TPH2: variants seen among roughly 807,000 people sequenced by gnomAD.
The protein encoded by TPH2 is tryptophan 5-hydroxylase 2.
TPH2 carries 27 observed loss-of-function variants against 59.1 expected under a neutral mutation model. The ratio of observed to expected loss-of-function variants is 0.46; its 90% CI spans 0.34 to 0.63. TPH2 has a LOEUF of 0.63. Ranked by LOEUF, TPH2 falls within the 30% of genes least tolerant of loss-of-function variation. The pLI is 0.01. For synonymous variants in TPH2, 220 were observed against 210.5 expected (o/e 1.05, Z -0.39); for missense variants, 523 against 588.3 (o/e 0.89, Z 1.15).
intron 7 of TPH2, among the ~76,000 whole-genome samples, chr12:71,988,549 G>A (rs1023989): frequency 0.19 from 29,302 of 152,046 alleles, 3,276 homozygotes; most frequent in East Asian, 0.34. Context: ...CCAGATCTCG[G>A]GAGAACTCAC....
chr12:72,018,408 C>T (rs1294414913), intron 8 of TPH2, among the ~76,000 whole-genome samples: 1 of 152,162 alleles, frequency 6.6e-6, no homozygotes. Context: ...CCTTTTAATT[C>T]CTACCTTAAA....
intron 5 of TPH2, among the ~76,000 whole-genome samples, chr12:71,969,579 T>A (rs1420027194): frequency 6.6e-6 from 1 of 152,198 alleles, no homozygotes; most frequent in Non-Finnish European, 1.5e-5. Flanking sequence ...GAAGGTTAAA[T>A]GAGTGAATAA....
chr12:71,958,610 T>C (rs1871581103), intron 5 of TPH2, among the ~76,000 whole-genome samples: 1 of 152,142 alleles, frequency 6.6e-6, no homozygotes. Flanking sequence ...GGCAGAACCA[T>C]GTCTCCATTC....
intron 8 of TPH2, among the ~76,000 whole-genome samples, chr12:72,021,219 TC>T (rs1447179698): frequency 2.6e-5 from 4 of 151,714 alleles, no homozygotes; most frequent in Non-Finnish European, 2.9e-5. Context: ...TTTTTGTTTT[TC>T]TTTTTTTTTC....
Position 72,022,495 on chromosome 12 carries a change from G to A in TPH2, c.1164+1G>A, listed in dbSNP as rs756893935. The A allele has an allele frequency of 6.2e-7, 1 of 1,606,406 alleles. No homozygotes were observed. The highest frequency in any genetic ancestry group is 8.5e-7 in the Non-Finnish European group (1 of 1,172,946). On this transcript the variant is annotated splice_donor_variant, in intron 9 of 10. Coordinates refer to ENST00000333850, the MANE Select transcript of TPH2 (RefSeq NM_173353.4). LOFTEE classifies it high-confidence loss of function. ...CCTTTCCTCCATTGGAGAATTAAAG[G>A]TATGAAGCTGTGAATGAAAATACCC...
At chr12:71,997,100 C>T (rs1872711314) in intron 8 of TPH2, among the ~76,000 whole-genome samples, 1 of 152,070 alleles carries the variant, frequency 6.6e-6, no homozygotes, top group South Asian at 2.1e-4. Flanking sequence ...GGGTATGAGC[C>T]GTTTTGTTGC....
chr12:71,994,354 C>T, intron 7 of TPH2, 85 bp from the exon 8 acceptor site: 1 of 1,462,480 alleles, frequency 6.8e-7, no homozygotes, highest in Non-Finnish European at 9.6e-7. Flanking sequence ...GTGACAAGGT[C>T]TTATTTAGGT....
intron 6 of TPH2, among the ~76,000 whole-genome samples, chr12:71,974,357 G>A (rs1872056949): frequency 6.6e-6 from 1 of 152,134 alleles, no homozygotes; most frequent in Admixed American, 6.5e-5. Context: ...TCTAAAATCA[G>A]GGTGTTGACA....
intron 9 of TPH2, among the ~76,000 whole-genome samples, chr12:72,023,169 C>G (rs115519725): frequency 1.3e-5 from 2 of 151,888 alleles, no homozygotes; most frequent in South Asian, 2.1e-4. Context: ...CCATTTATAC[C>G]ATGGGGGGAT....
chr12:71,958,204 A>G (rs1871566927), intron 5 of TPH2, among the ~76,000 whole-genome samples: 1 of 150,484 alleles, frequency 6.6e-6, no homozygotes, highest in African/African-American at 2.5e-5. Flanking sequence ...GCAGAACTGA[A>G]GCAAATATTT....
intron 8 of TPH2, among the ~76,000 whole-genome samples, chr12:72,018,725 A>C (rs1369468461): frequency 6.6e-6 from 1 of 152,152 alleles, no homozygotes; most frequent in Non-Finnish European, 1.5e-5. Flanking sequence ...ATAAATTAGG[A>C]AAATCAGCCA....
chr12:71,939,525 C>T (rs890218884), intron 1 of TPH2, among the ~76,000 whole-genome samples: 1 of 152,102 alleles, frequency 6.6e-6, no homozygotes, highest in Admixed American at 6.5e-5. Context: ...CCTACACCCC[C>T]TTCAGTTTAC....
intron 7 of TPH2, among the ~76,000 whole-genome samples, chr12:71,983,410 C>G (rs1262631388): frequency 2.0e-5 from 3 of 152,062 alleles, no homozygotes; most frequent in Admixed American, 2.0e-4. Flanking sequence ...GGGCCAAATT[C>G]AAAGTTATTC....
At chr12:72,016,519 G>A (rs1448419002) in intron 8 of TPH2, among the ~76,000 whole-genome samples, 1 of 152,022 alleles carries the variant, frequency 6.6e-6, no homozygotes, top group Non-Finnish European at 1.5e-5. Context: ...ACCCAATTTA[G>A]CCTATAACTT....
chr12:71,951,688 ATGTGTGTGTGTGCATG>A (rs1871351778), intron 5 of TPH2, among the ~76,000 whole-genome samples: 1 of 143,160 alleles, frequency 7.0e-6, no homozygotes, highest in African/African-American at 2.6e-5. Flanking sequence ...TGTTTTATGT[ATGTGTGTGTGTGCATG>A]TGTGTGTGTG....
At chr12:72,014,205 AG>A (rs985469216) in intron 8 of TPH2, among the ~76,000 whole-genome samples, 20 of 151,618 alleles carry the variant, frequency 1.3e-4, no homozygotes, top group African/African-American at 4.6e-4. Flanking sequence ...AGGATTGCAC[AG>A]AACCATGTTA....
chr12:71,968,444 A>T (rs1030444576), intron 5 of TPH2, among the ~76,000 whole-genome samples: 2 of 152,176 alleles, frequency 1.3e-5, no homozygotes, highest in Non-Finnish European at 2.9e-5. Flanking sequence ...CTTCATGTTC[A>T]CGTGAACCTC....
chr12:71,981,531 C>T (rs1001521777), intron 7 of TPH2, among the ~76,000 whole-genome samples: 44 of 152,050 alleles, frequency 2.9e-4, no homozygotes, highest in African/African-American at 1.0e-3. Flanking sequence ...AGGTATAGTA[C>T]AAGAGGGCAC....
At chr12:71,953,020 C>G (rs10879345) in intron 5 of TPH2, among the ~76,000 whole-genome samples, 76,296 of 152,014 alleles carry the variant, frequency 0.5, 19,849 homozygotes, top group Middle Eastern at 0.59. Context: ...TAATGTAGCT[C>G]AAAACATTCT....
Sources: allele counts gnomAD v4.1 joint callset (sites outside exome capture counted in the v4.1 genomes callset), GRCh38; gene constraint gnomAD v4.1.1; transcripts MANE v1.5; gene names NCBI Gene and HGNC (gene_info 2026-07-23, HGNC 2026-07-21).